PPP2R2B: variants seen among roughly 807,000 people sequenced by gnomAD.
The protein encoded by PPP2R2B is serine/threonine-protein phosphatase 2A 55 kDa regulatory subunit B beta isoform.
Under a neutral mutation model 46.0 loss-of-function variants are expected in PPP2R2B, and 5 were observed. The observed-to-expected ratio is 0.11, with a 90% CI of 0.06 to 0.23. PPP2R2B has a LOEUF of 0.23. Ranked by LOEUF, PPP2R2B falls within the 10% of genes least tolerant of loss-of-function variation. The pLI, the probability that PPP2R2B is intolerant of heterozygous loss-of-function variation, is 1.00. For synonymous variants in PPP2R2B, 215 were observed against 206.7 expected (o/e 1.04, Z -0.34); for missense variants, 367 against 575.0 (o/e 0.64, Z 3.70).
At chr5:147,061,933 G>A (rs1035833174) in intron 2 of PPP2R2B, among the ~76,000 whole-genome samples, 7 of 152,136 alleles carry the variant, frequency 4.6e-5, no homozygotes, top group African/African-American at 1.7e-4. Context: ...AGAAGTCAGA[G>A]CAGGTAGGCA....
At chr5:147,079,445 C>CATATATACATATATATATATATATAT (rs1757903695) in intron 2 of PPP2R2B, among the ~76,000 whole-genome samples, 1 of 132,304 alleles carries the variant, frequency 7.6e-6, no homozygotes, top group African/African-American at 2.8e-5. Context: ...TATATATATA[C>CATATATACATATATATATATATATAT]ATATATATAT....
chr5:146,745,344 C>T (rs1445528927), intron 2 of PPP2R2B, among the ~76,000 whole-genome samples: 1 of 152,082 alleles, frequency 6.6e-6, no homozygotes, highest in Non-Finnish European at 1.5e-5. Flanking sequence ...GGATTTCAAT[C>T]AATATTCCAA....
chr5:146,615,969 A>T (rs1053101225), intron 7 of PPP2R2B, among the ~76,000 whole-genome samples: 5 of 152,222 alleles, frequency 3.3e-5, no homozygotes, highest in African/African-American at 1.2e-4. Flanking sequence ...GAGGAATCAC[A>T]TTACCTGACT....
At chr5:146,907,385 GA>G (rs1561510066) in intron 1 of PPP2R2B, among the ~76,000 whole-genome samples, 1 of 152,184 alleles carries the variant, frequency 6.6e-6, no homozygotes, top group African/African-American at 2.4e-5. Context: ...TGGTTAAAAT[GA>G]ATGTGTTCCC....
At chr5:146,832,893 G>A (rs929711464) in intron 2 of PPP2R2B, among the ~76,000 whole-genome samples, 1 of 151,830 alleles carries the variant, frequency 6.6e-6, no homozygotes. Flanking sequence ...GTACACTCTG[G>A]TGTTCACACA....
At chr5:147,066,418 A>C (rs1419198638) in intron 2 of PPP2R2B, among the ~76,000 whole-genome samples, 1 of 152,204 alleles carries the variant, frequency 6.6e-6, no homozygotes, top group Non-Finnish European at 1.5e-5. Flanking sequence ...TTACAGATGA[A>C]GAAACTGAGG....
chr5:146,956,968 C>G (rs1041409503), intron 1 of PPP2R2B, among the ~76,000 whole-genome samples: 1 of 152,130 alleles, frequency 6.6e-6, no homozygotes, highest in African/African-American at 2.4e-5. Context: ...CTCTTAATAC[C>G]ATCGCTTGGG....
chr5:146,814,144 G>A (rs1268019021), intron 2 of PPP2R2B, among the ~76,000 whole-genome samples: 2 of 149,592 alleles, frequency 1.3e-5, no homozygotes, highest in African/African-American at 4.9e-5. Flanking sequence ...CAGAATGGGG[G>A]TAAAACACTC....
intron 5 of PPP2R2B, among the ~76,000 whole-genome samples, chr5:146,682,082 A>G (rs1778209917): frequency 6.6e-6 from 1 of 152,130 alleles, no homozygotes; most frequent in Non-Finnish European, 1.5e-5. Context: ...TCGATCCTAA[A>G]CCAGGTATAG....
intron 2 of PPP2R2B, among the ~76,000 whole-genome samples, chr5:146,867,829 T>G (rs2151404405): frequency 6.6e-6 from 1 of 152,354 alleles, no homozygotes; most frequent in South Asian, 2.1e-4. Flanking sequence ...GCCCCAGAAC[T>G]TCCTACATAG....
chr5:146,772,486 T>C (rs1582069617), intron 2 of PPP2R2B, among the ~76,000 whole-genome samples: 2 of 150,550 alleles, frequency 1.3e-5, no homozygotes, highest in East Asian at 2.0e-4. Flanking sequence ...AAATTGTTCA[T>C]GGTGGTAATC....
At chr5:147,067,492 T>G (rs1056562248) in intron 2 of PPP2R2B, among the ~76,000 whole-genome samples, 4 of 152,210 alleles carry the variant, frequency 2.6e-5, no homozygotes, top group Non-Finnish European at 5.9e-5. Context: ...AGGCTTTCTT[T>G]CTTTTTCCAG....
chr5:146,767,545 C>G (rs1754564691), intron 2 of PPP2R2B, among the ~76,000 whole-genome samples: 1 of 152,106 alleles, frequency 6.6e-6, no homozygotes, highest in Non-Finnish European at 1.5e-5. Context: ...TACATACACA[C>G]ACACACACAC....
chr5:146,768,672 G>A (rs1287331611), intron 2 of PPP2R2B, among the ~76,000 whole-genome samples: 3 of 151,986 alleles, frequency 2.0e-5, no homozygotes, highest in African/African-American at 7.3e-5. Context: ...ACCATCTGAC[G>A]CTGGGCCCAC....
intron 1 of PPP2R2B, among the ~76,000 whole-genome samples, chr5:146,997,882 C>T (rs1318509683): frequency 6.6e-6 from 1 of 152,158 alleles, no homozygotes; most frequent in Non-Finnish European, 1.5e-5. Flanking sequence ...TTTACATCCT[C>T]TAAATGTGTA....
intron 2 of PPP2R2B, among the ~76,000 whole-genome samples, chr5:146,754,754 G>C (rs1753743818): frequency 6.6e-6 from 1 of 152,174 alleles, no homozygotes; most frequent in African/African-American, 2.4e-5. Flanking sequence ...CAGGAACCCT[G>C]TGGAGAAGCC....
intron 7 of PPP2R2B, among the ~76,000 whole-genome samples, chr5:146,604,022 TA>T (rs1315697551): frequency 2.0e-5 from 3 of 152,150 alleles, no homozygotes; most frequent in Admixed American, 2.0e-4. Context: ...AGTCCACAAG[TA>T]AAAAGTATTT....
At chr5:146,761,063 G>A (rs1284669830) in intron 2 of PPP2R2B, among the ~76,000 whole-genome samples, 1 of 152,192 alleles carries the variant, frequency 6.6e-6, no homozygotes, top group Non-Finnish European at 1.5e-5. Flanking sequence ...TGCACTGTTG[G>A]TGGGACTGTA....
intron 9 of PPP2R2B, among the ~76,000 whole-genome samples, chr5:146,590,879 G>T (rs889621023): frequency 9.9e-5 from 15 of 152,142 alleles, no homozygotes; most frequent in Non-Finnish European, 1.9e-4. Flanking sequence ...AATTTTAAAA[G>T]AATCTGGGAT....
Sources: gnomAD v4.1 joint callset for allele counts (sites outside exome capture counted in the v4.1 genomes callset) on GRCh38, gnomAD v4.1.1 for gene constraint, MANE v1.5 for transcripts, NCBI Gene and HGNC (gene_info 2026-07-23, HGNC 2026-07-21) for gene names.